PCDHGA4: variants seen among roughly 807,000 people sequenced by gnomAD.
PCDHGA4 encodes protocadherin gamma subfamily A, 4, also known as protocadherin gamma-A4.
PCDHGA4 carries 38 observed loss-of-function variants against 54.6 expected under a neutral mutation model. The ratio of observed to expected loss-of-function variants is 0.70; its 90% CI spans 0.54 to 0.91. The LOEUF is 0.91. Among genes scored for constraint, PCDHGA4 ranks in the 40% least tolerant of loss-of-function variants. The probability of loss-of-function intolerance (pLI) is 0.00; values close to 1 mark genes in which losing one functional copy is unlikely to be tolerated. For synonymous variants in PCDHGA4, 511 were observed against 512.9 expected (o/e 1.00, Z 0.05); for missense variants, 1,298 against 1,220.9 (o/e 1.06, Z -0.94).
chr5:141,417,211 T>C (rs1027777607), intron 1 of PCDHGA4: 1 of 152,174 alleles, frequency 6.6e-6, no homozygotes, highest in Admixed American at 6.5e-5. Context: ...TAGGCTAGAA[T>C]TGAAGACAAA....
rs753724895 is a variant in PCDHGA4, at chr5:141,366,167, G to A, written c.2514+8546G>A. 7 of 1,614,080 alleles carry A rather than the reference G, an allele frequency of 4.3e-6. No homozygotes were observed. In the Admixed American group the frequency reaches 6.7e-5, roughly 15 times the overall value. On this transcript the variant is annotated intron_variant, in intron 1 of 3. Transcript: ENST00000571252. ...GTCCTACCGCCTGCTTAAGGCCAGC[G>A]AGCCAGGACTCTTTGCGGTTGGGCT...
intron 1 of PCDHGA4, chr5:141,422,266 G>A (rs1393466157): frequency 6.4e-7 from 1 of 1,563,654 alleles, no homozygotes; most frequent in Non-Finnish European, 8.6e-7. Context: ...TAACGCTCCA[G>A]AAATAACTAT....
At chr5:141,420,501 A>T in intron 1 of PCDHGA4, 1 of 469,392 alleles carries the variant, frequency 2.1e-6, no homozygotes, top group East Asian at 4.1e-5. Context: ...CTCCGGTGAC[A>T]TTTTTATGAA....
chr5:141,451,212 G>A (rs2098710632), intron 1 of PCDHGA4, among the ~76,000 whole-genome samples: 1 of 152,156 alleles, frequency 6.6e-6, no homozygotes, highest in Non-Finnish European at 1.5e-5. Context: ...AAACTTAGTG[G>A]CTTAAAAGAA....
At chr5:141,428,226 C>A (rs2154552641) in intron 1 of PCDHGA4, 1 of 1,137,180 alleles carries the variant, frequency 8.8e-7, no homozygotes, top group South Asian at 1.3e-5. Flanking sequence ...TCTTCGCAGA[C>A]AGCCTGCAGG....
chr5:141,403,532 C>T (rs1313886103), intron 1 of PCDHGA4: 2 of 1,613,892 alleles, frequency 1.2e-6, no homozygotes, highest in African/African-American at 2.7e-5. Context: ...AAACCCAGAG[C>T]TGGTGCTGGA....
chr5:141,503,781 G>A (rs1393561411), intron 2 of PCDHGA4, among the ~76,000 whole-genome samples: 1 of 152,110 alleles, frequency 6.6e-6, no homozygotes, highest in East Asian at 1.9e-4. Flanking sequence ...TTCTTAGGCT[G>A]AGTTCATCTA....
chr5:141,408,461 A>G, intron 1 of PCDHGA4: 4 of 1,614,044 alleles, frequency 2.5e-6, no homozygotes, highest in Non-Finnish European at 3.4e-6. Context: ...CTTACTTGTG[A>G]AGAACCGAAT....
intron 1 of PCDHGA4, chr5:141,413,430 C>T (rs745782366): frequency 6.2e-7 from 1 of 1,614,078 alleles, no homozygotes; most frequent in Admixed American, 1.7e-5. Context: ...ACCCGCGCAG[C>T]GGCAGCTTGA....
chr5:141,446,594 A>G (rs571957656), intron 1 of PCDHGA4, among the ~76,000 whole-genome samples: 8 of 152,136 alleles, frequency 5.3e-5, no homozygotes, highest in African/African-American at 1.9e-4. Flanking sequence ...CTTCTGCCTC[A>G]GCCTCCTGAG....
In PCDHGA4 at chr5:141,362,265, A is replaced by G. The variant is rs1450907640; in HGVS notation, c.2514+4644A>G. The G allele has an allele frequency of 4.3e-6, 7 of 1,613,868 alleles. No homozygotes were observed. The Admixed American group carries it at 6.7e-5, about 15-fold the overall frequency. On this transcript the variant is annotated intron_variant, in intron 1 of 3. Transcript: ENST00000571252. ...TCTTCTTCCTCGCGGTGATTCTGGCAATCTCCCTGCGCCTGCGACTCTCTT... is the reference window on the plus strand; with the variant it reads ...TCTTCTTCCTCGCGGTGATTCTGGCGATCTCCCTGCGCCTGCGACTCTCTT...
intron 1 of PCDHGA4, chr5:141,375,835 C>T (rs772317330): frequency 2.5e-5 from 40 of 1,613,984 alleles, no homozygotes; most frequent in Middle Eastern, 1.6e-4. Context: ...CCGCAGAGCC[C>T]GGCTACCTGG....
chr5:141,373,423 T>G (rs992122154), intron 1 of PCDHGA4, among the ~76,000 whole-genome samples: 1 of 152,214 alleles, frequency 6.6e-6, no homozygotes, highest in Non-Finnish European at 1.5e-5. Flanking sequence ...CTCGGGAGGC[T>G]GAGGTGGGAG....
chr5:141,375,838 C>T (rs527863161), intron 1 of PCDHGA4: 1 of 1,614,128 alleles, frequency 6.2e-7, no homozygotes, highest in Admixed American at 1.7e-5. Flanking sequence ...CAGAGCCCGG[C>T]TACCTGGTGA....
At position 141,432,307 on chromosome 5, in the gene PCDHGA4, G is replaced by A. The variant is rs2097484688; in HGVS notation, c.2515-62500G>A. On this transcript the variant is annotated intron_variant, in intron 1 of 3. Transcript: ENST00000571252. The surrounding 1 kb of genome is among the most constrained non-coding windows in gnomAD (Gnocchi z 6.0). ...ACTCCGACACTGGGGTACTGTATGC[G>A]CTGAGCTCCTTCGACTACGAGCAGT... The A allele has an allele frequency of 5.0e-6, 8 of 1,614,240 alleles. No individual in the cohort carries two copies. Among genetic ancestry groups the A allele is most frequent in the South Asian group, 1.1e-5 (1 of 91,086 alleles).
At chr5:141,371,131 T>C (rs746254566) in intron 1 of PCDHGA4, 1 of 1,614,004 alleles carries the variant, frequency 6.2e-7, no homozygotes, top group South Asian at 1.1e-5. Flanking sequence ...ACTCAGGACA[T>C]GTACAGGGTC....
chr5:141,399,210 A>G, intron 1 of PCDHGA4: 2 of 1,613,974 alleles, frequency 1.2e-6, no homozygotes, highest in Non-Finnish European at 1.7e-6. Context: ...CTGGAACACT[A>G]ATTGCTTTGA....
chr5:141,376,672 TA>T, intron 1 of PCDHGA4: 1 of 691,294 alleles, frequency 1.4e-6, no homozygotes, highest in Non-Finnish European at 2.3e-6. Flanking sequence ...CAGGTGAGGG[TA>T]TCGTTTTTTT....
intron 1 of PCDHGA4, chr5:141,393,663 AT>A (rs1334579066): frequency 6.2e-7 from 1 of 1,613,820 alleles, no homozygotes; most frequent in East Asian, 2.2e-5. Flanking sequence ...ATTCCGGAAA[AT>A]TAATGAAAAA....
Sources: gnomAD v4.1 joint callset for allele counts (sites outside exome capture counted in the v4.1 genomes callset) on GRCh38, gnomAD v4.1.1 for gene constraint, Gnocchi (gnomAD v3.1) non-coding constraint, MANE v1.5 for transcripts, NCBI Gene and HGNC (gene_info 2026-07-23, HGNC 2026-07-21) for gene names.